LUM: variants seen among roughly 807,000 people sequenced by gnomAD.
LUM encodes lumican.
A neutral mutation model predicts 20.5 loss-of-function variants in LUM; 13 were observed. That is an observed-to-expected ratio of 0.63 (90% CI 0.41 to 1.01). The LOEUF is 1.01. LUM is among the 50% of genes least tolerant of loss of function. LUM has a pLI of 0.00. For missense variants in LUM, 321 were observed against 391.1 expected (o/e 0.82, Z 1.51); for synonymous variants, 173 against 151.5 (o/e 1.14, Z -1.04).
rs1206218079 is a variant in LUM, at chr12:91,106,915, T to C, written c.862+1203A>G. Among the ~76,000 whole-genome samples, 10 of 151,852 alleles carry C rather than the reference T, an allele frequency of 6.6e-5. 1 individual carries two copies. The highest frequency in any genetic ancestry group is 2.4e-4 in the African/African-American group (10 of 41,356). ...GGCCAGGCACAGTGGCTCACGCCTG[T>C]AATCCCAGTACTTTGGGAGGCCAAG... is the stretch of plus-strand genomic sequence containing the variant. On this transcript the variant is annotated intron_variant, in intron 2 of 2. Coordinates refer to ENST00000266718, the MANE Select transcript of LUM (RefSeq NM_002345.4).
At position 91,108,822 on chromosome 12, in the gene LUM, C is replaced by T; in HGVS notation, c.158G>A (p.Cys53Tyr). Reference protein sequence around the residue: ...CPESYPSAMYCDELKLKSVPM... With the variant: ...CPESYPSAMYYDELKLKSVPM... ...TACACTTTTCAATTTCAGCTCATCA[C>T]AGTACATGGCACTTGGGTAGCTTTC... Residue 53 changes from cysteine to tyrosine, a missense_variant, in exon 2 of 3, where the codon TGT (cysteine) becomes TAT (tyrosine). By Grantham distance (194) the Cys-to-Tyr change is radical (BLOSUM62 -2). Coordinates refer to ENST00000266718, the MANE Select transcript of LUM (RefSeq NM_002345.4). The surrounding 1 kb of genome is among the most constrained non-coding windows in gnomAD (Gnocchi z 4.2). The T allele has an allele frequency of 6.2e-7, 1 of 1,614,090 alleles. No individual in the cohort carries two copies. Among genetic ancestry groups the T allele is most frequent in the Non-Finnish European group, 8.5e-7 (1 of 1,180,006 alleles).
At chr12:91,107,181 G>A (rs1300022600) in intron 2 of LUM, among the ~76,000 whole-genome samples, 28 of 97,740 alleles carry the variant, frequency 2.9e-4, no homozygotes, top group African/African-American at 9.7e-4. Context: ...GAAAACGAAA[G>A]AAAGAAAGAA....
chr12:91,105,305 C>T (rs1452211507), intron 2 of LUM, among the ~76,000 whole-genome samples: 1 of 152,168 alleles, frequency 6.6e-6, no homozygotes, highest in Non-Finnish European at 1.5e-5. Flanking sequence ...AATAACACAT[C>T]TATCTTACCG....
intron 2 of LUM, among the ~76,000 whole-genome samples, chr12:91,106,690 T>TTAAAAAAAAAAAAAAAA (rs1880038992): frequency 3.3e-5 from 3 of 90,584 alleles, no homozygotes; most frequent in African/African-American, 1.4e-4. Context: ...ATTTTTCTTC[T>TTAAAAAAAAAAAAAAAA]AAAAAAAAAA....
At chr12:91,107,267 GAAAGAAAGAAAGAAAGAAAGAGAAAGAA>G (rs1293890248) in intron 2 of LUM, among the ~76,000 whole-genome samples, 6 of 84,986 alleles carry the variant, frequency 7.1e-5, no homozygotes, top group Non-Finnish European at 9.0e-5. Flanking sequence ...AAGAAAGAAA[GAAAGAAAGAAAGAAAGAAAGAGAAAGAA>G]AGAAAGAAAG....
intron 1 of LUM, among the ~76,000 whole-genome samples, 154 bp from the exon 2 acceptor site, chr12:91,109,154 A>G (rs1226719586): frequency 1.3e-5 from 2 of 152,190 alleles, no homozygotes; most frequent in Non-Finnish European, 1.5e-5. Context: ...ATTTTTATTT[A>G]GGTATGAGGA....
intron 1 of LUM, among the ~76,000 whole-genome samples, chr12:91,110,878 C>A (rs1880188880): frequency 1.3e-5 from 2 of 152,026 alleles, no homozygotes; most frequent in African/African-American, 4.8e-5. Flanking sequence ...AGGCATATAT[C>A]CAAGAAACAA....
In LUM at chr12:91,104,101, G is replaced by A. The variant is rs1400120846; in HGVS notation, c.*64C>T. 1.6e-6 allele frequency: 2 copies of A among 1,285,644 alleles called. No individual in the cohort carries two copies. Among genetic ancestry groups the A allele is most frequent in the African/African-American group, 2.9e-5 (2 of 67,922 alleles). 79.6% of individuals were successfully genotyped at this position (1,285,644 alleles called of 1,614,324 possible). A position where few individuals can be genotyped will look rare whatever the true frequency, so the allele number is the denominator to read the frequency against. On this transcript the variant is annotated 3_prime_UTR_variant, in exon 3 of 3. Coordinates refer to ENST00000266718, the MANE Select transcript of LUM (RefSeq NM_002345.4). ...GAAGTAATAAACAGTAATAAAATAT[G>A]GATACTATGAAAACTGACACACAGA... is the stretch of plus-strand genomic sequence containing the variant.
intron 1 of LUM, among the ~76,000 whole-genome samples, chr12:91,109,329 C>T (rs1412702957): frequency 6.6e-6 from 1 of 151,966 alleles, no homozygotes; most frequent in Non-Finnish European, 1.5e-5. Flanking sequence ...GTTCATTGAC[C>T]ACCGAATTAG....
At chr12:91,109,923 G>A (rs1034202018) in intron 1 of LUM, among the ~76,000 whole-genome samples, 1 of 152,096 alleles carries the variant, frequency 6.6e-6, no homozygotes, top group Non-Finnish European at 1.5e-5. Context: ...TGGGAGAGAG[G>A]TGTGATGTTT....
intron 2 of LUM, among the ~76,000 whole-genome samples, chr12:91,107,287 GAGAAAGAAAGAAAGAAAGAAAGAAAGAA>G (rs869096187): frequency 9.8e-4 from 60 of 61,294 alleles, no homozygotes; most frequent in African/African-American, 4.3e-3. Flanking sequence ...AAGAAAGAAA[GAGAAAGAAAGAAAGAAAGAAAGAAAGAA>G]AGAAAGAAAG....
intron 1 of LUM, 109 bp from the exon 2 acceptor site, chr12:91,109,109 T>C (rs1440432678): frequency 3.7e-6 from 3 of 814,544 alleles, no homozygotes; most frequent in South Asian, 1.8e-5. Context: ...TGTTATTTTA[T>C]AGCTATTTTT....
At chr12:91,107,143 CAAAA>C (rs773547125) in intron 2 of LUM, among the ~76,000 whole-genome samples, 1 of 63,250 alleles carries the variant, frequency 1.6e-5, no homozygotes, top group Non-Finnish European at 3.2e-5. Context: ...GAGACCCTGT[CAAAA>C]AAAAAAAGAA....
chr12:91,111,055 G>A (rs1053693553), intron 1 of LUM, among the ~76,000 whole-genome samples: 1 of 152,202 alleles, frequency 6.6e-6, no homozygotes, highest in Middle Eastern at 3.4e-3. Flanking sequence ...CTTTGCTCCA[G>A]TATTAGGGTC....
rs956239510 is a variant in LUM at position 91,103,924 on chromosome 12, A to T, written c.*241T>A. 2.9e-6 allele frequency: 1 copy of T among 347,420 alleles called. No individual in the cohort carries two copies. The highest frequency in any genetic ancestry group is 5.2e-6 in the Non-Finnish European group (1 of 190,868). The allele number at this position is 347,420 out of a possible 1,614,324, so 21.5% of individuals were successfully genotyped here. On this transcript the variant is annotated 3_prime_UTR_variant, in exon 3 of 3. Coordinates refer to ENST00000266718, the MANE Select transcript of LUM (RefSeq NM_002345.4). ...TTGCACATCATTTGACAGTAGAAAT[A>T]AAAAAACACTAAATTTACAAATAAA... is the stretch of plus-strand genomic sequence containing the variant.
chr12:91,109,114 A>AT, intron 1 of LUM, 114 bp from the exon 2 acceptor site: 1 of 768,708 alleles, frequency 1.3e-6, no homozygotes, highest in Non-Finnish European at 2.1e-6. Context: ...TTTTATAGCT[A>AT]TTTTTAGTGC....
In LUM at chr12:91,108,029, A is replaced by G; in HGVS notation, c.862+89T>C. On this transcript the variant is annotated intron_variant, in intron 2 of 2. Transcript: ENST00000266718. This position sits in a 1 kb window ranked among gnomAD's most constrained non-coding sequence, Gnocchi z 4.2. The stretch of plus-strand genomic sequence containing the variant: ...CGCCCGGGCGACATTTTGTTTTTTT[A>G]ATGGAGCCAGATGCAATATCTGTGT... 6.9e-7 allele frequency: 1 copy of G among 1,459,682 alleles called. No individual in the cohort carries two copies. Among genetic ancestry groups the G allele is most frequent in the South Asian group, 1.2e-5 (1 of 86,636 alleles). 90.4% of individuals were successfully genotyped at this position (1,459,682 alleles called of 1,614,324 possible).
chr12:91,107,189 GAAGGAAAGAA>G (rs1470000954), intron 2 of LUM, among the ~76,000 whole-genome samples: 2 of 66,346 alleles, frequency 3.0e-5, no homozygotes, highest in Non-Finnish European at 5.7e-5. Context: ...AAGAAAGAAA[GAAGGAAAGAA>G]AAAGAAAGAA....
intron 1 of LUM, among the ~76,000 whole-genome samples, chr12:91,110,273 T>C (rs113183204): frequency 2.0e-5 from 3 of 152,308 alleles, no homozygotes; most frequent in African/African-American, 4.8e-5. Context: ...TGGATCAAAG[T>C]AGTTTGGGAT....
Sources: allele counts gnomAD v4.1 joint callset (sites outside exome capture counted in the v4.1 genomes callset), GRCh38; gene constraint gnomAD v4.1.1; non-coding constraint Gnocchi (gnomAD v3.1); transcripts MANE v1.5; gene names NCBI Gene and HGNC (gene_info 2026-07-23, HGNC 2026-07-21).